Variants in SHANK2 observed in about 807,000 individuals in gnomAD.
The protein encoded by SHANK2 is SH3 and multiple ankyrin repeat domains protein 2.
SHANK2 carries 43 observed loss-of-function variants against 133.7 expected under a neutral mutation model. The observed-to-expected ratio is 0.32, with a 90% CI of 0.25 to 0.41. SHANK2 has a LOEUF of 0.41. Ranked by LOEUF, SHANK2 falls within the 10% of genes least tolerant of loss-of-function variation. The pLI is 1.00. For synonymous variants in SHANK2, 1,017 were observed against 952.8 expected (o/e 1.07, Z -1.24); for missense variants, 1,994 against 2,235.8 (o/e 0.89, Z 2.18).
At chr11:70,809,882 C>T (rs1484327965) in intron 12 of SHANK2, among the ~76,000 whole-genome samples, 3 of 152,192 alleles carry the variant, frequency 2.0e-5, no homozygotes, top group East Asian at 1.9e-4. Context: ...GATGCCATTC[C>T]TCCCCCAAGT....
At chr11:70,894,839 C>T (rs1231741666) in intron 11 of SHANK2, among the ~76,000 whole-genome samples, 3 of 152,166 alleles carry the variant, frequency 2.0e-5, no homozygotes, top group Admixed American at 2.0e-4. Flanking sequence ...CACTGTGTGC[C>T]CCTGGTCAAG....
intron 14 of SHANK2, among the ~76,000 whole-genome samples, chr11:70,717,598 G>A (rs190028768): frequency 1.7e-3 from 265 of 152,244 alleles, no homozygotes; most frequent in Non-Finnish European, 3.4e-3. Flanking sequence ...CAAGTCCCAC[G>A]GTCCTCCCGT....
Position 70,499,979 on chromosome 11 carries a change from C to T in SHANK2, c.2308+591G>A, listed in dbSNP as rs192436662. Reference sequence around the variant, plus strand: ...CCAGCAGCAGGCGAGCAATACCCCCCGATGTGCTTGCTGCTGTGAAAGGGG... The same window carrying T: ...CCAGCAGCAGGCGAGCAATACCCCCTGATGTGCTTGCTGCTGTGAAAGGGG... On this transcript the variant is annotated intron_variant, in intron 21 of 25. Coordinates refer to ENST00000601538, the MANE Select transcript of SHANK2 (RefSeq NM_012309.5). Among the ~76,000 whole-genome samples, 14 of 152,294 alleles carry T rather than the reference C, an allele frequency of 9.2e-5. No homozygotes were observed. The East Asian group carries it at 1.5e-3, about 17-fold the overall frequency.
chr11:70,553,835 T>G (rs2059798670), intron 17 of SHANK2, among the ~76,000 whole-genome samples: 1 of 152,108 alleles, frequency 6.6e-6, no homozygotes, highest in South Asian at 2.1e-4. Context: ...ACCCCCTCAG[T>G]GAATAAGAGC....
intron 6 of SHANK2, among the ~76,000 whole-genome samples, chr11:71,106,467 C>A (rs1428666600): frequency 6.6e-6 from 1 of 152,130 alleles, no homozygotes; most frequent in African/African-American, 2.4e-5. Context: ...AGCCCAGAGG[C>A]TTGTCATCAT....
At chr11:70,498,886 A>T (rs1214774414) in intron 21 of SHANK2, among the ~76,000 whole-genome samples, 1 of 152,156 alleles carries the variant, frequency 6.6e-6, no homozygotes, top group African/African-American at 2.4e-5. Flanking sequence ...CACTGGATTT[A>T]GGGCCCACCC....
At chr11:70,495,754 C>T in intron 21 of SHANK2, 1 of 181,658 alleles carries the variant, frequency 5.5e-6, no homozygotes. Context: ...AGGGATGCCA[C>T]CAAGTTAGGG....
intron 14 of SHANK2, among the ~76,000 whole-genome samples, chr11:70,728,408 T>C (rs990399133): frequency 3.3e-5 from 5 of 152,202 alleles, no homozygotes; most frequent in Non-Finnish European, 5.9e-5. Context: ...GGCAGCCCCC[T>C]TACTGCCAAT....
chr11:70,823,490 G>C (rs1948582843), intron 11 of SHANK2, among the ~76,000 whole-genome samples: 1 of 145,812 alleles, frequency 6.9e-6, no homozygotes, highest in Non-Finnish European at 1.5e-5. Context: ...ACGGGGGACA[G>C]AGGTGGCATT....
intron 17 of SHANK2, among the ~76,000 whole-genome samples, chr11:70,558,397 G>C (rs1554980085): frequency 6.6e-6 from 1 of 152,222 alleles, no homozygotes; most frequent in Non-Finnish European, 1.5e-5. Flanking sequence ...GCACGACCCA[G>C]CCCAGTCGTG....
intron 17 of SHANK2, among the ~76,000 whole-genome samples, chr11:70,503,699 G>A (rs1203411822): frequency 6.6e-6 from 1 of 152,230 alleles, no homozygotes; most frequent in African/African-American, 2.4e-5. Flanking sequence ...AAATGCACCT[G>A]ACACGGAAGT....
intron 2 of SHANK2, among the ~76,000 whole-genome samples, chr11:71,155,497 C>A (rs1303172884): frequency 6.6e-6 from 1 of 152,072 alleles, no homozygotes; most frequent in African/African-American, 2.4e-5. Context: ...GATGGACCTG[C>A]CCCTCCCATG....
chr11:70,934,246 CAAAAAAAAAA>C (rs11411212), intron 10 of SHANK2, among the ~76,000 whole-genome samples: 1 of 114,056 alleles, frequency 8.8e-6, no homozygotes, highest in South Asian at 3.1e-4. Context: ...ACAACACCAC[CAAAAAAAAAA>C]AAAAAAAACA....
chr11:71,155,201 A>C (rs1226053547), intron 2 of SHANK2, among the ~76,000 whole-genome samples: 3 of 83,330 alleles, frequency 3.6e-5, no homozygotes, highest in East Asian at 4.2e-4. Context: ...GACCTACCCC[A>C]GCCCAAGCTC....
At position 71,251,129 on chromosome 11, in the gene SHANK2, G is replaced by C. The variant is rs1203920007; in HGVS notation, c.-113+1296C>G. ...CACCCACCCCTCACCTGCCTGGCTC[G>C]AGCGCCTTCTCAGTTCCAGGCGCCC... On this transcript the variant is annotated intron_variant, in intron 1 of 25. Transcript: ENST00000601538. 1.4e-4 allele frequency among the ~76,000 whole-genome samples: 19 copies of C among 138,276 alleles called. No individual in the cohort carries two copies. In the South Asian group the frequency reaches 2.6e-3, roughly 19 times the overall value. The allele number at this position is 138,276 out of a possible 152,430, so 90.7% of individuals were successfully genotyped here. A position where few individuals can be genotyped will look rare whatever the true frequency, so the allele number is the denominator to read the frequency against.
intron 15 of SHANK2, among the ~76,000 whole-genome samples, chr11:70,691,927 A>G (rs1945297060): frequency 6.6e-6 from 1 of 152,160 alleles, no homozygotes; most frequent in Non-Finnish European, 1.5e-5. Flanking sequence ...AAAAATAAAA[A>G]TACAGAAAAT....
chr11:71,147,149 G>C lies in SHANK2; in HGVS notation c.178C>G (p.Arg60Gly). ...EESQGNTLVI[R>G]VVIHDLQQTK... The stretch of plus-strand genomic sequence containing the variant: ...TGCTGCAGGTCATGGATGACCACGC[G>C]GATCACCAGCGTGTTGCCCTGGCTC... Residue 60 changes from arginine to glycine, a missense_variant, in exon 3 of 26, where the codon CGC becomes GGC. This residue lies in a region of SHANK2 where 653 missense variants were observed against 563.4 expected (regional missense o/e 1.16). Transcript: ENST00000601538. 1 of 1,549,826 alleles carries C rather than the reference G, an allele frequency of 6.5e-7. No individual in the cohort carries two copies. Among genetic ancestry groups the C allele is most frequent in the Non-Finnish European group, 8.7e-7 (1 of 1,146,878 alleles).
chr11:71,064,851 T>C (rs980787368), intron 9 of SHANK2, among the ~76,000 whole-genome samples: 18 of 151,488 alleles, frequency 1.2e-4, no homozygotes, highest in Admixed American at 8.5e-4. Flanking sequence ...TCCTAAGAGG[T>C]CGGCACGTGG....
chr11:70,937,838 A>C (rs1950592353), intron 10 of SHANK2, among the ~76,000 whole-genome samples: 1 of 152,074 alleles, frequency 6.6e-6, no homozygotes, highest in African/African-American at 2.4e-5. Flanking sequence ...TCAGTCCCAG[A>C]GGCAGAATCT....
Sources: allele counts gnomAD v4.1 joint callset (sites outside exome capture counted in the v4.1 genomes callset), GRCh38; gene constraint gnomAD v4.1.1; regional missense constraint gnomAD v4.1.1; transcripts MANE v1.5; gene names NCBI Gene and HGNC (gene_info 2026-07-23, HGNC 2026-07-21).